The following MACROD2 variants were observed in gnomAD, a reference collection of about 807,000 sequenced individuals.
The protein encoded by MACROD2 is ADP-ribose glycohydrolase MACROD2.
A neutral mutation model predicts 70.4 loss-of-function variants in MACROD2; 36 were observed. The ratio of observed to expected loss-of-function variants is 0.51; its 90% CI spans 0.39 to 0.68. MACROD2 has a LOEUF of 0.68. Among genes scored for constraint, MACROD2 ranks in the 30% least tolerant of loss-of-function variants. MACROD2 has a pLI of 0.00. For missense variants in MACROD2, 496 were observed against 538.4 expected, an observed-to-expected ratio of 0.92 and a Z score of 0.78; for synonymous variants, 172 against 178.8, an observed-to-expected ratio of 0.96 and a Z score of 0.30.
intron 5 of MACROD2, among the ~76,000 whole-genome samples, chr20:15,099,178 T>A (rs1016241169): frequency 3.3e-5 from 5 of 152,140 alleles, no homozygotes; most frequent in Non-Finnish European, 5.9e-5. Flanking sequence ...AAATGTTATA[T>A]TAGTTAACAA....
chr20:14,304,640 CTTT>C (rs1395276728), intron 3 of MACROD2, among the ~76,000 whole-genome samples: 1 of 152,114 alleles, frequency 6.6e-6, no homozygotes, highest in Non-Finnish European at 1.5e-5. Context: ...CTCTGTTAGC[CTTT>C]TTAAGTACTC....
intron 8 of MACROD2, among the ~76,000 whole-genome samples, chr20:15,601,523 T>C (rs1418815167): frequency 6.6e-6 from 1 of 152,204 alleles, no homozygotes; most frequent in Non-Finnish European, 1.5e-5. Flanking sequence ...TATGATTTAA[T>C]AGATGTTTAT....
At chr20:15,573,636 G>C (rs537312519) in intron 8 of MACROD2, among the ~76,000 whole-genome samples, 1 of 152,244 alleles carries the variant, frequency 6.6e-6, no homozygotes, top group African/African-American at 2.4e-5. Flanking sequence ...AATCTGAAAT[G>C]TGTTAAAGTG....
intron 4 of MACROD2, among the ~76,000 whole-genome samples, chr20:14,501,769 A>G (rs2084917376): frequency 1.3e-5 from 2 of 152,202 alleles, no homozygotes; most frequent in Non-Finnish European, 2.9e-5. Flanking sequence ...CCCTCTTTTC[A>G]GATGTGGAAA....
At chr20:16,032,736 A>C (rs1286591984) in intron 15 of MACROD2, among the ~76,000 whole-genome samples, 5 of 134,182 alleles carry the variant, frequency 3.7e-5, no homozygotes, top group Admixed American at 3.0e-4. Context: ...GAAGGAGAGA[A>C]GAAGGGAAGA....
intron 5 of MACROD2, among the ~76,000 whole-genome samples, chr20:14,883,924 T>C (rs1365730734): frequency 6.8e-6 from 1 of 147,862 alleles, no homozygotes; most frequent in African/African-American, 2.4e-5. Flanking sequence ...GGTTTTGTTA[T>C]ATTAATTTGG....
intron 8 of MACROD2, among the ~76,000 whole-genome samples, chr20:15,767,063 G>A (rs972166302): frequency 1.3e-5 from 2 of 152,232 alleles, no homozygotes; most frequent in African/African-American, 4.8e-5. Flanking sequence ...GTGCTGCCAA[G>A]AGTTTATGTA....
chr20:15,067,100 ACAAATTCCGATAATGTAGAGAAAGTT>A (rs1201190742), intron 5 of MACROD2, among the ~76,000 whole-genome samples: 7 of 152,184 alleles, frequency 4.6e-5, no homozygotes, highest in African/African-American at 7.2e-5. Flanking sequence ...AGAGTCAGAA[ACAAATTCCGATAATGTAGAGAAAGTT>A]CATTAGCAAT....
intron 5 of MACROD2, among the ~76,000 whole-genome samples, chr20:14,906,673 CAGTAA>C (rs2073963382): frequency 6.6e-6 from 1 of 151,994 alleles, no homozygotes; most frequent in South Asian, 2.1e-4. Context: ...AAATATCATT[CAGTAA>C]TGCGATTCTG....
At chr20:14,251,338 T>C (rs2082010913) in intron 3 of MACROD2, among the ~76,000 whole-genome samples, 1 of 152,176 alleles carries the variant, frequency 6.6e-6, no homozygotes, top group Non-Finnish European at 1.5e-5. Context: ...TTCTGTGTAC[T>C]CTTAATGAAT....
intron 8 of MACROD2, among the ~76,000 whole-genome samples, chr20:15,615,074 T>G (rs1600669797): frequency 6.6e-6 from 1 of 152,132 alleles, no homozygotes; most frequent in East Asian, 1.9e-4. Context: ...CTGACTTTCC[T>G]CTATCCCGAA....
At chr20:14,076,843 CTT>C (rs1312072253) in intron 2 of MACROD2, among the ~76,000 whole-genome samples, 1 of 152,116 alleles carries the variant, frequency 6.6e-6, no homozygotes, top group African/African-American at 2.4e-5. Context: ...ATCAGATAAA[CTT>C]ATGTCTACTA....
chr20:15,981,437 T>C (rs1285279721), intron 13 of MACROD2, among the ~76,000 whole-genome samples: 2 of 152,188 alleles, frequency 1.3e-5, no homozygotes, highest in Non-Finnish European at 2.9e-5. Context: ...TTGAGACTTT[T>C]AGAACTTAGA....
At position 14,163,994 on chromosome 20, in the gene MACROD2, A is replaced by G. The variant is rs74420073; in HGVS notation, c.271+78266A>G. On this transcript the variant is annotated intron_variant, in intron 3 of 17. Transcript: ENST00000684519. ...CTAGAGAATTACTACATTCTTTTGG[A>G]GGTGGCATATTTCCTTCTTTTTCAT... Among the ~76,000 whole-genome samples the G allele has an allele frequency of 5.9e-3, 894 of 151,874 alleles. 5 individuals carry two copies. Among genetic ancestry groups the G allele is most frequent in the Non-Finnish European group, 9.8e-3 (669 of 67,948 alleles).
chr20:14,098,319 A>G (rs921326015), intron 3 of MACROD2, among the ~76,000 whole-genome samples: 1 of 152,206 alleles, frequency 6.6e-6, no homozygotes, highest in African/African-American at 2.4e-5. Flanking sequence ...CAAGTTGTCC[A>G]ATTCTGAAGT....
intron 4 of MACROD2, among the ~76,000 whole-genome samples, chr20:14,527,903 G>A (rs906007426): frequency 6.6e-6 from 1 of 152,072 alleles, no homozygotes; most frequent in Non-Finnish European, 1.5e-5. Flanking sequence ...TTATGGTTTA[G>A]GAAAATGGGC....
chr20:14,267,101 A>G lies in MACROD2; in HGVS notation c.271+181373A>G, dbSNP rs2082150653. ...TACAGAGTAGATACTACATTAGATT[A>G]TCACTAGAAAGGACAAATGATCCAA... On this transcript the variant is annotated intron_variant, in intron 3 of 17. Transcript: ENST00000684519. 2.0e-5 allele frequency among the ~76,000 whole-genome samples: 3 copies of G among 152,152 alleles called. No homozygotes were observed. In the South Asian group the frequency reaches 6.2e-4, roughly 32 times the overall value.
intron 8 of MACROD2, among the ~76,000 whole-genome samples, chr20:15,820,289 C>T (rs1252101019): frequency 1.3e-5 from 2 of 152,064 alleles, no homozygotes; most frequent in African/African-American, 2.4e-5. Flanking sequence ...CTCCCAGGCT[C>T]GAGTGGTCCT....
At chr20:16,028,681 A>T (rs937622449) in intron 15 of MACROD2, among the ~76,000 whole-genome samples, 1 of 152,208 alleles carries the variant, frequency 6.6e-6, no homozygotes, top group Non-Finnish European at 1.5e-5. Flanking sequence ...AAACAGGCAC[A>T]GGCACATTTT....
Sources: gnomAD v4.1 joint callset for allele counts (sites outside exome capture counted in the v4.1 genomes callset) on GRCh38, gnomAD v4.1.1 for gene constraint, MANE v1.5 for transcripts, NCBI Gene and HGNC (gene_info 2026-07-23, HGNC 2026-07-21) for gene names.